The following COMMD10 variants were observed in gnomAD, a reference collection of about 807,000 sequenced individuals.
COMMD10 encodes COMM domain-containing protein 10.
Under a neutral mutation model 28.9 loss-of-function variants are expected in COMMD10, and 33 were observed. The ratio of observed to expected loss-of-function variants is 1.14; its 90% CI spans 0.87 to 1.53. The LOEUF is 1.53. COMMD10 is among the 40% of genes most tolerant of loss of function. COMMD10 has a pLI of 0.00. For synonymous variants in COMMD10, 110 were observed against 81.7 expected (o/e 1.35, Z -1.87); for missense variants, 310 against 233.4 (o/e 1.33, Z -2.14).
chr5:116,219,936 GT>G (rs531385631), intron 5 of COMMD10, among the ~76,000 whole-genome samples: 1 of 151,886 alleles, frequency 6.6e-6, no homozygotes, highest in Non-Finnish European at 1.5e-5. Flanking sequence ...TTTTGATAGA[GT>G]TTTTTATTAA....
At chr5:116,182,150 C>G (rs893721540) in intron 5 of COMMD10, among the ~76,000 whole-genome samples, 1 of 151,994 alleles carries the variant, frequency 6.6e-6, no homozygotes, top group African/African-American at 2.4e-5. Context: ...ACAACTAGGT[C>G]TGTTAAGAGG....
At chr5:116,120,046 C>G (rs936700165) in intron 4 of COMMD10, among the ~76,000 whole-genome samples, 8 of 152,020 alleles carry the variant, frequency 5.3e-5, no homozygotes, top group African/African-American at 1.9e-4. Context: ...AATCAAGATA[C>G]AGAGCATTAT....
chr5:116,227,895 A>G (rs887353123), intron 5 of COMMD10, among the ~76,000 whole-genome samples: 3 of 152,108 alleles, frequency 2.0e-5, no homozygotes, highest in African/African-American at 7.2e-5. Flanking sequence ...AAAATCACTT[A>G]TCACACTGCA....
At chr5:116,241,513 G>C (rs1749806174) in intron 5 of COMMD10, among the ~76,000 whole-genome samples, 1 of 152,012 alleles carries the variant, frequency 6.6e-6, no homozygotes, top group Non-Finnish European at 1.5e-5. Flanking sequence ...CTTTTATTTA[G>C]AGAAGAATAA....
chr5:116,200,364 T>A (rs986777252), intron 5 of COMMD10, among the ~76,000 whole-genome samples: 2 of 152,116 alleles, frequency 1.3e-5, no homozygotes, highest in Non-Finnish European at 2.9e-5. Context: ...TGTCTTTATC[T>A]TCGATTTTCT....
chr5:116,188,862 T>G (rs1329399365), intron 5 of COMMD10, among the ~76,000 whole-genome samples: 2 of 152,144 alleles, frequency 1.3e-5, no homozygotes, highest in Non-Finnish European at 2.9e-5. Flanking sequence ...ACTTGTGAGT[T>G]CAAGCAGTTC....
chr5:116,089,110 A>G (rs1353613558), intron 2 of COMMD10, among the ~76,000 whole-genome samples: 1 of 152,220 alleles, frequency 6.6e-6, no homozygotes, highest in Non-Finnish European at 1.5e-5. Context: ...TAGCGGCAAC[A>G]TTCTGTGGTA....
chr5:116,214,695 C>A (rs1213044321), intron 5 of COMMD10, among the ~76,000 whole-genome samples: 1 of 151,930 alleles, frequency 6.6e-6, no homozygotes, highest in African/African-American at 2.4e-5. Flanking sequence ...ATCATTTTTT[C>A]ATTTATCTGC....
intron 5 of COMMD10, among the ~76,000 whole-genome samples, chr5:116,187,926 C>T (rs1748195726): frequency 6.6e-6 from 1 of 151,900 alleles, no homozygotes; most frequent in African/African-American, 2.4e-5. Context: ...GGGACTTTAC[C>T]CTGTAATCAC....
chr5:116,264,367 C>G (rs926387831), intron 5 of COMMD10, among the ~76,000 whole-genome samples: 1 of 151,840 alleles, frequency 6.6e-6, no homozygotes, highest in African/African-American at 2.4e-5. Context: ...ACAAAAATTA[C>G]TGCTTAGTGA....
At chr5:116,167,437 A>G (rs1753162638) in intron 5 of COMMD10, among the ~76,000 whole-genome samples, 1 of 152,290 alleles carries the variant, frequency 6.6e-6, no homozygotes, top group East Asian at 1.9e-4. Context: ...TGTTATCCAG[A>G]AGGACTTCCC....
intron 5 of COMMD10, among the ~76,000 whole-genome samples, chr5:116,213,947 C>T (rs138156308): frequency 6.6e-6 from 1 of 152,032 alleles, no homozygotes. Flanking sequence ...TATTTTAAAA[C>T]AACTTTGGCT....
chr5:116,127,639 A>G (rs1235516635), intron 4 of COMMD10, among the ~76,000 whole-genome samples: 3 of 152,206 alleles, frequency 2.0e-5, no homozygotes, highest in East Asian at 1.9e-4. Context: ...ACATGGATGA[A>G]GCTAGAAACC....
intron 5 of COMMD10, among the ~76,000 whole-genome samples, chr5:116,273,342 C>G (rs1405609524): frequency 6.6e-6 from 1 of 151,742 alleles, no homozygotes; most frequent in Non-Finnish European, 1.5e-5. Flanking sequence ...TTTGAACCAG[C>G]CATATGTGAC....
At chr5:116,202,704 A>T (rs1748701310) in intron 5 of COMMD10, among the ~76,000 whole-genome samples, 1 of 151,700 alleles carries the variant, frequency 6.6e-6, no homozygotes, top group Admixed American at 6.6e-5. Flanking sequence ...GTGTCTGTTC[A>T]TATCCTTTGC....
intron 5 of COMMD10, among the ~76,000 whole-genome samples, chr5:116,137,970 T>G (rs1182394569): frequency 1.3e-5 from 2 of 151,944 alleles, no homozygotes; most frequent in Non-Finnish European, 2.9e-5. Flanking sequence ...TTAAAGTTTT[T>G]TTCGTTAGGG....
chr5:116,125,893 C>G (rs1350701269), intron 4 of COMMD10, among the ~76,000 whole-genome samples: 2 of 152,162 alleles, frequency 1.3e-5, no homozygotes, highest in Non-Finnish European at 2.9e-5. Context: ...TCTCTCACCA[C>G]TCCTGTTCAG....
chr5:116,271,290 A>T (rs1750746821), intron 5 of COMMD10, among the ~76,000 whole-genome samples: 1 of 147,154 alleles, frequency 6.8e-6, no homozygotes, highest in African/African-American at 2.5e-5. Flanking sequence ...TTAAATTTTT[A>T]TATATTTAAT....
At chr5:116,229,070 A>G (rs1275980488) in intron 5 of COMMD10, among the ~76,000 whole-genome samples, 1 of 152,038 alleles carries the variant, frequency 6.6e-6, no homozygotes, top group Non-Finnish European at 1.5e-5. Context: ...TCGTCTTTAC[A>G]TTTAGGCATA....
Sources: allele counts gnomAD v4.1 joint callset (sites outside exome capture counted in the v4.1 genomes callset), GRCh38; gene constraint gnomAD v4.1.1; transcripts MANE v1.5; gene names NCBI Gene and HGNC (gene_info 2026-07-23, HGNC 2026-07-21).